HEMK2: variants seen among roughly 807,000 people sequenced by gnomAD.
HEMK2 encodes HemK methyltransferase 2, ETF1 glutamine and histone H4 lysine, also known as methyltransferase HEMK2.
the HEMK2 span, chr21:28,875,584 C>G: frequency 6.5e-6 from 1 of 153,912 alleles, no homozygotes; most frequent in East Asian, 1.9e-4. Context: ...TTTTCTTGTT[C>G]TGGGCCCTAC....
At chr21:28,751,691 G>A in the HEMK2 span, among the ~76,000 whole-genome samples, 1 of 152,166 alleles carries the variant, frequency 6.6e-6, no homozygotes. Context: ...TTGTTTGTTT[G>A]TTTTTGAGAC....
chr21:28,801,327 TA>T, the HEMK2 span, among the ~76,000 whole-genome samples: 1 of 152,226 alleles, frequency 6.6e-6, no homozygotes, highest in African/African-American at 2.4e-5. Context: ...CATTTTATAC[TA>T]GGACAAATTA....
At chr21:28,716,539 T>C in the HEMK2 span, among the ~76,000 whole-genome samples, 1 of 152,106 alleles carries the variant, frequency 6.6e-6, no homozygotes, top group Non-Finnish European at 1.5e-5. Flanking sequence ...CTTGGCAGAG[T>C]CTTTAGGGCT....
At chr21:28,870,158 G>A in the HEMK2 span, among the ~76,000 whole-genome samples, 1 of 152,158 alleles carries the variant, frequency 6.6e-6, no homozygotes. Flanking sequence ...CAGGAAAACT[G>A]ATAAGGAAGT....
the HEMK2 span, among the ~76,000 whole-genome samples, chr21:28,619,558 A>G: frequency 6.6e-6 from 1 of 152,202 alleles, no homozygotes; most frequent in Non-Finnish European, 1.5e-5. Context: ...ATAAACTGGT[A>G]AAACAGCTCT....
chr21:28,646,987 G>T, the HEMK2 span, among the ~76,000 whole-genome samples: 1 of 152,074 alleles, frequency 6.6e-6, no homozygotes, highest in African/African-American at 2.4e-5. Flanking sequence ...TAAGGGGTGT[G>T]GTAAAGTCAT....
chr21:28,649,496 C>T, the HEMK2 span, among the ~76,000 whole-genome samples: 1 of 152,168 alleles, frequency 6.6e-6, no homozygotes, highest in Non-Finnish European at 1.5e-5. Context: ...ACAAATAAGA[C>T]AAAGTCGTTT....
the HEMK2 span, among the ~76,000 whole-genome samples, chr21:28,738,708 G>A: frequency 4.6e-5 from 7 of 152,152 alleles, no homozygotes; most frequent in East Asian, 1.9e-4. Context: ...CAGAGCTTAC[G>A]TCCTAGGAAA....
chr21:28,754,596 T>C, the HEMK2 span, among the ~76,000 whole-genome samples: 1 of 152,240 alleles, frequency 6.6e-6, no homozygotes, highest in Admixed American at 6.5e-5. Context: ...CACAACCTCA[T>C]TGTGTAAGAA....
At chr21:28,775,802 G>C in the HEMK2 span, among the ~76,000 whole-genome samples, 1 of 152,094 alleles carries the variant, frequency 6.6e-6, no homozygotes, top group Non-Finnish European at 1.5e-5. Context: ...GTGAGTGAGA[G>C]AGAAGAAAAT....
At chr21:28,799,642 T>C in the HEMK2 span, among the ~76,000 whole-genome samples, 2 of 152,312 alleles carry the variant, frequency 1.3e-5, no homozygotes, top group South Asian at 2.1e-4. Flanking sequence ...TTTCCTCCTA[T>C]AAAATCACAA....
chr21:28,689,208 T>C, the HEMK2 span, among the ~76,000 whole-genome samples: 1 of 152,204 alleles, frequency 6.6e-6, no homozygotes, highest in Non-Finnish European at 1.5e-5. Flanking sequence ...ATTATGAACC[T>C]GAGCATCCAC....
chr21:28,609,374 C>G, the HEMK2 span, among the ~76,000 whole-genome samples: 2 of 152,090 alleles, frequency 1.3e-5, no homozygotes, highest in African/African-American at 2.4e-5. Flanking sequence ...AAGGGAGCAC[C>G]CTGTGGGAAA....
chr21:28,756,619 T>C, the HEMK2 span, among the ~76,000 whole-genome samples: 4 of 152,208 alleles, frequency 2.6e-5, no homozygotes, highest in Non-Finnish European at 5.9e-5. Flanking sequence ...AGAAGACAAG[T>C]GCCTTTTGCC....
chr21:28,583,721 C>A, the HEMK2 span, among the ~76,000 whole-genome samples: 1 of 152,132 alleles, frequency 6.6e-6, no homozygotes, highest in Non-Finnish European at 1.5e-5. Flanking sequence ...CATATTTTGC[C>A]CAAATTGTGC....
the HEMK2 span, among the ~76,000 whole-genome samples, chr21:28,822,814 C>G: frequency 6.6e-6 from 1 of 152,084 alleles, no homozygotes; most frequent in Admixed American, 6.6e-5. Flanking sequence ...TCAGATGGAC[C>G]TTCTGAAATG....
chr21:28,749,533 T>A, the HEMK2 span, among the ~76,000 whole-genome samples: 10 of 149,202 alleles, frequency 6.7e-5, no homozygotes, highest in African/African-American at 2.2e-4. Context: ...CAAAATTCCA[T>A]ACAAAATTCC....
the HEMK2 span, among the ~76,000 whole-genome samples, chr21:28,866,298 A>G: frequency 1.4e-5 from 2 of 145,394 alleles, no homozygotes; most frequent in Admixed American, 1.4e-4. Flanking sequence ...CCGAGATCAC[A>G]ATACTGCACT....
chr21:28,861,618 C>A, the HEMK2 span, among the ~76,000 whole-genome samples: 1 of 152,200 alleles, frequency 6.6e-6, no homozygotes, highest in Non-Finnish European at 1.5e-5. Context: ...AATCACTGGT[C>A]TTACCATGTT....
Sources: allele counts gnomAD v4.1 joint callset (sites outside exome capture counted in the v4.1 genomes callset), GRCh38; gene constraint gnomAD v4.1.1; transcripts MANE v1.5; gene names NCBI Gene and HGNC (gene_info 2026-07-23, HGNC 2026-07-21).